DCAF5: variants seen among roughly 807,000 people sequenced by gnomAD.
DCAF5 encodes the protein DDB1 and CUL4 associated factor 5.
Under a neutral mutation model 80.7 loss-of-function variants are expected in DCAF5, and 9 were observed. That is an observed-to-expected ratio of 0.11 (90% CI 0.07 to 0.19). The LOEUF (loss-of-function observed/expected upper bound fraction) is 0.19, where lower values mean the gene tolerates loss of function less well. Among genes scored for constraint, DCAF5 ranks in the 10% least tolerant of loss-of-function variants. The probability of loss-of-function intolerance (pLI) is 1.00; values close to 1 mark genes in which losing one functional copy is unlikely to be tolerated. For synonymous variants in DCAF5, 433 were observed against 461.9 expected, an observed-to-expected ratio of 0.94 and a Z score of 0.80; for missense variants, 842 against 1,205.7, an observed-to-expected ratio of 0.70 and a Z score of 4.47.
At chr14:69,113,872 A>T (rs1483096223) in intron 5 of DCAF5, among the ~76,000 whole-genome samples, 4 of 152,170 alleles carry the variant, frequency 2.6e-5, no homozygotes, top group African/African-American at 9.7e-5. Context: ...AAATAAATGC[A>T]AAAACATCCT....
At chr14:69,081,782 G>A (rs1332519619) in intron 6 of DCAF5, among the ~76,000 whole-genome samples, 1 of 152,008 alleles carries the variant, frequency 6.6e-6, no homozygotes, top group East Asian at 1.9e-4. Flanking sequence ...GTGTGTTTGT[G>A]GTGCGTGCTT....
At chr14:69,080,314 G>C (rs554496538) in intron 6 of DCAF5, among the ~76,000 whole-genome samples, 54 of 152,050 alleles carry the variant, frequency 3.6e-4, no homozygotes, top group Non-Finnish European at 6.9e-4. Context: ...GGACCACCAG[G>C]ACACTGCAGG....
chr14:69,080,091 A>G (rs1268054117), intron 6 of DCAF5, among the ~76,000 whole-genome samples: 1 of 152,194 alleles, frequency 6.6e-6, no homozygotes, highest in Non-Finnish European at 1.5e-5. Context: ...TTTAAAATAT[A>G]AGGTAGCCAT....
chr14:69,145,902 G>A (rs1027180878), intron 1 of DCAF5, among the ~76,000 whole-genome samples: 6 of 152,218 alleles, frequency 3.9e-5, no homozygotes, highest in African/African-American at 1.4e-4. Flanking sequence ...AGCAATGGAA[G>A]TGCTCTTATA....
chr14:69,083,446 A>AGTGTAG, intron 6 of DCAF5: 1 of 322,274 alleles, frequency 3.1e-6, no homozygotes, highest in Admixed American at 3.7e-5. Flanking sequence ...CAAGAAGTGG[A>AGTGTAG]ACCTCAAACT....
intron 5 of DCAF5, among the ~76,000 whole-genome samples, chr14:69,104,854 T>C (rs1280652750): frequency 6.6e-6 from 1 of 150,928 alleles, no homozygotes; most frequent in East Asian, 1.9e-4. Context: ...CAAAACTCTG[T>C]CTTTAAAAAA....
chr14:69,152,524 A>T lies in DCAF5; in HGVS notation c.214+241T>A, dbSNP rs923216303. ...CAGGCATCAGGAGAGATCACTTTGC[A>T]CTTGGGATAAAGCGAATTAAGGAGC... On this transcript the variant is annotated intron_variant, in intron 1 of 8. Transcript: ENST00000341516. The surrounding 1 kb of genome is among the most constrained non-coding windows in gnomAD (Gnocchi z 4.1). 7.4e-6 allele frequency: 4 copies of T among 540,306 alleles called. No homozygotes were observed. Among genetic ancestry groups the T allele is most frequent in the Non-Finnish European group, 1.3e-5 (4 of 299,524 alleles). The allele number at this position is 540,306 out of a possible 1,614,324, so 33.5% of individuals were successfully genotyped here. A position where few individuals can be genotyped will look rare whatever the true frequency, so the allele number is the denominator to read the frequency against.
At chr14:69,075,759 C>T (rs916630409) in intron 6 of DCAF5, among the ~76,000 whole-genome samples, 2 of 152,200 alleles carry the variant, frequency 1.3e-5, no homozygotes, top group African/African-American at 4.8e-5. Context: ...GCTGGGATTA[C>T]AGGTGTGAGT....
At chr14:69,075,601 C>T (rs1292019992) in intron 6 of DCAF5, among the ~76,000 whole-genome samples, 190 bp from the exon 7 acceptor site, 1 of 152,120 alleles carries the variant, frequency 6.6e-6, no homozygotes, top group Admixed American at 6.5e-5. Context: ...CCTGCCTCAA[C>T]CTCCAGAGTA....
rs985903745 is a variant in DCAF5, at chr14:69,083,636, T to C, written c.879+8038A>G. 8 of 577,140 alleles carry C rather than the reference T, an allele frequency of 1.4e-5. No individual in the cohort carries two copies. The East Asian group carries it at 2.6e-4, about 19-fold the overall frequency. 35.8% of individuals were successfully genotyped at this position (577,140 alleles called of 1,614,324 possible). On this transcript the variant is annotated intron_variant, in intron 6 of 8. Transcript: ENST00000341516. ...GTGTCTCAAGAAGCAGTGGAAAATA[T>C]AAAAGTTAAAAAATCTCCCCAGAAA...
At chr14:69,084,724 T>G in intron 6 of DCAF5, 1 of 1,275,562 alleles carries the variant, frequency 7.8e-7, no homozygotes. Context: ...ACTACATTGA[T>G]TTGCCCATCT....
At chr14:69,079,078 C>T (rs941755263) in intron 6 of DCAF5, among the ~76,000 whole-genome samples, 14 of 136,102 alleles carry the variant, frequency 1.0e-4, no homozygotes, top group Non-Finnish European at 1.7e-4. Flanking sequence ...TTCCTGCTAC[C>T]CTGCCCCCCA....
intron 5 of DCAF5, among the ~76,000 whole-genome samples, chr14:69,097,357 C>T (rs1318401520): frequency 1.3e-5 from 2 of 152,054 alleles, no homozygotes; most frequent in African/African-American, 4.8e-5. Context: ...CTCTAGTTGG[C>T]AATAATATGA....
At chr14:69,122,776 T>C (rs933137123) in intron 1 of DCAF5, among the ~76,000 whole-genome samples, 1 of 152,214 alleles carries the variant, frequency 6.6e-6, no homozygotes, top group African/African-American at 2.4e-5. Context: ...GTAATATTTC[T>C]AGCATAATGG....
At chr14:69,124,614 G>A (rs2040822144) in intron 1 of DCAF5, among the ~76,000 whole-genome samples, 1 of 152,148 alleles carries the variant, frequency 6.6e-6, no homozygotes, top group African/African-American at 2.4e-5. Flanking sequence ...TGAGTTCTCT[G>A]GCCTAGGATA....
intron 5 of DCAF5, among the ~76,000 whole-genome samples, chr14:69,101,850 T>C (rs1206716409): frequency 1.2e-4 from 19 of 152,122 alleles, no homozygotes; most frequent in Non-Finnish European, 1.5e-5. Flanking sequence ...TATCTAAACA[T>C]TTAAAAGCCA....
intron 1 of DCAF5, among the ~76,000 whole-genome samples, chr14:69,132,027 T>C (rs2041054431): frequency 1.3e-5 from 2 of 152,172 alleles, no homozygotes; most frequent in Admixed American, 6.5e-5. Flanking sequence ...CTACATTTTG[T>C]TTATCTATTC....
At position 69,055,297 on chromosome 14, in the gene DCAF5, G is replaced by A. The variant is rs1175438661; in HGVS notation, c.1389C>T (p.Ala463=). 2 of 1,614,196 alleles carry A rather than the reference G, an allele frequency of 1.2e-6. No homozygotes were observed. Among genetic ancestry groups the A allele is most frequent in the Non-Finnish European group, 1.7e-6 (2 of 1,180,034 alleles). Residue 463 remains alanine, a synonymous_variant, in exon 9 of 9, where the codon GCC becomes GCT. Transcript: ENST00000341516. The surrounding 1 kb of genome is among the most constrained non-coding windows in gnomAD (Gnocchi z 5.6). ...RSGYTDSESS[A]SLPRSPPPTV... is the part of the protein sequence containing the mutation. ...TGGGAGGCGGGGAGCGAGGCAATGA[G>A]GCCGAAGACTCTGAGTCAGTGTAGC...
At chr14:69,126,922 A>C (rs930889131) in intron 1 of DCAF5, among the ~76,000 whole-genome samples, 9 of 152,246 alleles carry the variant, frequency 5.9e-5, no homozygotes, top group Admixed American at 2.0e-4. Context: ...TTGATTATAA[A>C]TCTAAATGTA....
Sources: gnomAD v4.1 joint callset for allele counts (sites outside exome capture counted in the v4.1 genomes callset) on GRCh38, gnomAD v4.1.1 for gene constraint, Gnocchi (gnomAD v3.1) non-coding constraint, MANE v1.5 for transcripts, NCBI Gene and HGNC (gene_info 2026-07-23, HGNC 2026-07-21) for gene names.